Variants in FGFR4 observed in about 807,000 individuals in gnomAD.
FGFR4 encodes hydroxyaryl-protein kinase.
In FGFR4, 63 loss-of-function variants were observed where a neutral mutation model predicts 89.9. That is an observed-to-expected ratio of 0.70 (90% CI 0.57 to 0.86). The LOEUF (loss-of-function observed/expected upper bound fraction) is 0.86, where lower values mean the gene tolerates loss of function less well. Ranked by LOEUF, FGFR4 falls within the 40% of genes least tolerant of loss-of-function variation. FGFR4 has a pLI of 0.00. For missense variants in FGFR4, 928 were observed against 1,106.7 expected, an observed-to-expected ratio of 0.84 and a Z score of 2.29; for synonymous variants, 486 against 479.4, an observed-to-expected ratio of 1.01 and a Z score of -0.18.
chr5:177,095,205 C>A lies in FGFR4; in HGVS notation c.1520-125C>A. The A allele has an allele frequency of 1.3e-6, 1 of 781,820 alleles. No individual in the cohort carries two copies. The highest frequency in any genetic ancestry group is 2.6e-5 in the East Asian group (1 of 37,772). The allele number at this position is 781,820 out of a possible 1,614,324, so 48.4% of individuals were successfully genotyped here. A position where few individuals can be genotyped will look rare whatever the true frequency, so the allele number is the denominator to read the frequency against. ...GGAGACTTTTTCAAGGCCACACAGC[C>A]TAGCAAGGATTCAGCCCTAGACCTA... On this transcript the variant is annotated intron_variant, in intron 11 of 17. Transcript: ENST00000292408. This position sits in a 1 kb window ranked among gnomAD's most constrained non-coding sequence, Gnocchi z 5.7.
At position 177,095,607 on chromosome 5, in the gene FGFR4, G is replaced by GGCCCCGACCTCA. The variant is rs1784524719; in HGVS notation, c.1714_1725dup (p.Leu572_Asp575dup). 1 of 1,605,774 alleles carries GGCCCCGACCTCA rather than the reference G, an allele frequency of 6.2e-7. No homozygotes were observed. The highest frequency in any genetic ancestry group is 8.5e-7 in the Non-Finnish European group (1 of 1,177,272). ...GTTCCTGCGGGCCCGGCGCCCCCCA[G>GGCCCCGACCTCA]GCCCCGACCTCAGCCCCGACGGTCC... On this transcript the variant is annotated inframe_insertion, in exon 13 of 18. Coordinates refer to ENST00000292408, the MANE Select transcript of FGFR4 (RefSeq NM_213647.3). This position sits in a 1 kb window ranked among gnomAD's most constrained non-coding sequence, Gnocchi z 5.7.
In FGFR4 at chr5:177,097,760, T is replaced by C; in HGVS notation, c.*84T>C. ...CACAGCCTGACACAGTGCTCGACCT[T>C]GATAGCATGGGGCCCCTGGCCCAGA... On this transcript the variant is annotated 3_prime_UTR_variant, in exon 18 of 18. Coordinates refer to ENST00000292408, the MANE Select transcript of FGFR4 (RefSeq NM_213647.3). 1 of 1,516,954 alleles carries C rather than the reference T, an allele frequency of 6.6e-7. No homozygotes were observed. Among genetic ancestry groups the C allele is most frequent in the Non-Finnish European group, 8.8e-7 (1 of 1,131,842 alleles). 94.0% of individuals were successfully genotyped at this position (1,516,954 alleles called of 1,614,324 possible).
rs1186109355 is a variant in FGFR4 at position 177,087,844 on chromosome 5, C to T, written c.-54+767C>T. 1.3e-5 allele frequency among the ~76,000 whole-genome samples: 2 copies of T among 152,080 alleles called. No individual in the cohort carries two copies. The highest frequency in any genetic ancestry group is 2.9e-5 in the Non-Finnish European group (2 of 68,002). On this transcript the variant is annotated intron_variant, in intron 1 of 17. Coordinates refer to ENST00000292408, the MANE Select transcript of FGFR4 (RefSeq NM_213647.3). The surrounding 1 kb of genome is among the most constrained non-coding windows in gnomAD (Gnocchi z 6.1). ...GCACAGAGGGATGGGCAAGAGAGCA[C>T]ATGTGCCCAGTTTTGAAAGCCAATG... is the stretch of plus-strand genomic sequence containing the variant.
At chr5:177,090,045 G>T in intron 2 of FGFR4, 2 of 663,856 alleles carry the variant, frequency 3.0e-6, no homozygotes, top group Non-Finnish European at 5.5e-6. Context: ...CATTATGAGG[G>T]TGATATGCCC....
Position 177,095,540 on chromosome 5 carries a change from G to A in FGFR4, c.1638G>A (p.Leu546=), listed in dbSNP as rs1360667560. 1 of 1,611,192 alleles carries A rather than the reference G, an allele frequency of 6.2e-7. No homozygotes were observed. Among genetic ancestry groups the A allele is most frequent in the Non-Finnish European group, 8.5e-7 (1 of 1,178,668 alleles). ...LLGVCTQEGP[L]YVIVECAAKG... ...CCTCCACTCCCTCTGCAGGGCCCCT[G>A]TACGTGATCGTGGAGTGCGCCGCCA... is the stretch of plus-strand genomic sequence containing the variant. Residue 546 remains leucine, a synonymous_variant, in exon 13 of 18, where the codon CTG becomes CTA. Transcript: ENST00000292408. The surrounding 1 kb of genome is among the most constrained non-coding windows in gnomAD (Gnocchi z 5.7).
chr5:177,087,526 ACTGT>A lies in FGFR4; in HGVS notation c.-54+453_-54+456del. 1 of 960,648 alleles carries A rather than the reference ACTGT, an allele frequency of 1.0e-6. No homozygotes were observed. The highest frequency in any genetic ancestry group is 1.2e-6 in the Non-Finnish European group (1 of 807,456). 59.5% of individuals were successfully genotyped at this position (960,648 alleles called of 1,614,324 possible). Reference sequence around the variant, plus strand: ...GCGGGAGGCTGAAGGAGAACCCAGGACTGTCTGATGCCTAAGGCAGGCCCTCCAT... The same window carrying A: ...GCGGGAGGCTGAAGGAGAACCCAGGACTGATGCCTAAGGCAGGCCCTCCAT... On this transcript the variant is annotated intron_variant, in intron 1 of 17. Transcript: ENST00000292408. The surrounding 1 kb of genome is among the most constrained non-coding windows in gnomAD (Gnocchi z 6.1).
At chr5:177,091,212 G>A (rs1784357343) in intron 5 of FGFR4, 108 bp downstream of exon 5, 7 of 1,396,772 alleles carry the variant, frequency 5.0e-6, no homozygotes, top group Non-Finnish European at 6.7e-6. Flanking sequence ...TGAAGCGATT[G>A]CGGGGCCCCG....
Position 177,093,112 on chromosome 5 carries a change from C to CTG in FGFR4, c.1058-18_1058-17dup, listed in dbSNP as rs1784424679. The CTG allele has an allele frequency of 2.5e-6, 4 of 1,613,908 alleles. No individual in the cohort carries two copies. The highest frequency in any genetic ancestry group is 3.4e-6 in the Non-Finnish European group (4 of 1,179,956). On this transcript the variant is annotated intron_variant, in intron 8 of 17. Coordinates refer to ENST00000292408, the MANE Select transcript of FGFR4 (RefSeq NM_213647.3). The surrounding 1 kb of genome is among the most constrained non-coding windows in gnomAD (Gnocchi z 5.8). ...TCTCACCACTGACCAGTTTGTCTGT[C>CTG]TGTGTGTGTCCATGTGCGAGGGCAG...
chr5:177,087,579 A>G lies in FGFR4; in HGVS notation c.-54+502A>G, dbSNP rs1029901266. On this transcript the variant is annotated intron_variant, in intron 1 of 17. Transcript: ENST00000292408. The surrounding 1 kb of genome is among the most constrained non-coding windows in gnomAD (Gnocchi z 6.1). ...ATTCCCACGTGGGGGGTGGTCGGTC[A>G]GCGGTCAGCAGCCATGGGTGACTCG... 3.0e-6 allele frequency: 3 copies of G among 985,498 alleles called. No individual in the cohort carries two copies. The highest frequency in any genetic ancestry group is 1.1e-4 in the East Asian group (1 of 8,806). 61.0% of individuals were successfully genotyped at this position (985,498 alleles called of 1,614,324 possible). A position where few individuals can be genotyped will look rare whatever the true frequency, so the allele number is the denominator to read the frequency against.
At chr5:177,088,593 G>A (rs921131553) in intron 1 of FGFR4, 11 of 162,556 alleles carry the variant, frequency 6.8e-5, no homozygotes, top group Admixed American at 2.7e-4. Flanking sequence ...AGTGGTCACC[G>A]ATTCCTTTGT....
In FGFR4 at chr5:177,097,540, G is replaced by A. The variant is rs759861753; in HGVS notation, c.2273G>A (p.Arg758His). Reference sequence around the variant, plus strand: ...CGTTCCCCACAGTACCTCGACCTCCGCCTGACCTTCGGACCCTATTCCCCC... The same window carrying A: ...CGTTCCCCACAGTACCTCGACCTCCACCTGACCTTCGGACCCTATTCCCCC... The part of the protein sequence containing the change: ...LAVSEEYLDL[R>H]LTFGPYSPSG... Residue 758 changes from arginine to histidine, a missense_variant, in exon 18 of 18, where the codon CGC (arginine) becomes CAC (histidine). By Grantham distance (29) the Arg-to-His change is conservative. Coordinates refer to ENST00000292408, the MANE Select transcript of FGFR4 (RefSeq NM_213647.3). 21 of 1,613,342 alleles carry A rather than the reference G, an allele frequency of 1.3e-5. No homozygotes were observed. Among genetic ancestry groups the A allele is most frequent in the East Asian group, 2.2e-5 (1 of 44,846 alleles).
At position 177,096,191 on chromosome 5, in the gene FGFR4, G is replaced by A. The variant is rs1784555409; in HGVS notation, c.1944+12G>A. ...AGAAAACCAGCAACGTGAGGGAGAT[G>A]GGGCAGAACTGGATGGGGGTGGAGG... On this transcript the variant is annotated intron_variant, in intron 14 of 17. Transcript: ENST00000292408. 3.7e-6 allele frequency: 6 copies of A among 1,613,696 alleles called. No individual in the cohort carries two copies. Among genetic ancestry groups the A allele is most frequent in the Non-Finnish European group, 5.1e-6 (6 of 1,179,794 alleles).
intron 17 of FGFR4, 54 bp from the exon 18 acceptor site, chr5:177,097,473 G>A (rs1211586672): frequency 3.8e-6 from 6 of 1,598,238 alleles, no homozygotes; most frequent in Non-Finnish European, 5.1e-6. Flanking sequence ...GCGTGGACAT[G>A]CGCCCCGTCC....
chr5:177,095,327 C>T lies in FGFR4; in HGVS notation c.1520-3C>T. 7.4e-6 allele frequency: 12 copies of T among 1,613,686 alleles called. No homozygotes were observed. The highest frequency in any genetic ancestry group is 1.0e-5 in the Non-Finnish European group (12 of 1,179,590). On this transcript the variant is annotated splice_region_variant and splice_polypyrimidine_tract_variant and intron_variant, in intron 11 of 17. Coordinates refer to ENST00000292408, the MANE Select transcript of FGFR4 (RefSeq NM_213647.3). The surrounding 1 kb of genome is among the most constrained non-coding windows in gnomAD (Gnocchi z 5.7). ...CTCTTCACCCCGTCTGCTGCCCTTA[C>T]AGACAACGCCTCTGACAAGGACCTG...
chr5:177,096,917 T>C (rs4999890), intron 16 of FGFR4, among the ~76,000 whole-genome samples, 176 bp downstream of exon 16: 4,519 of 16,766 alleles, frequency 0.27, 138 homozygotes, highest in East Asian at 0.42. Flanking sequence ...CCTCCTCCTC[T>C]TCCTCCTCCT....
At chr5:177,090,336 A>G in intron 2 of FGFR4, 54 bp from the exon 3 acceptor site, 1 of 1,598,738 alleles carries the variant, frequency 6.3e-7, no homozygotes, top group East Asian at 2.2e-5. Context: ...TGTACACAGG[A>G]GGCTGCCTCA....
rs1408015706 is a variant in FGFR4 at position 177,095,518 on chromosome 5, C to T, written c.1631-15C>T. Reference sequence around the variant, plus strand: ...CTTTGGCAGCCTCTCCACGCTCCCTCCACTCCCTCTGCAGGGCCCCTGTAC... The same window carrying T: ...CTTTGGCAGCCTCTCCACGCTCCCTTCACTCCCTCTGCAGGGCCCCTGTAC... On this transcript the variant is annotated splice_polypyrimidine_tract_variant and intron_variant, in intron 12 of 17. Transcript: ENST00000292408. The surrounding 1 kb of genome is among the most constrained non-coding windows in gnomAD (Gnocchi z 5.7). 6.2e-7 allele frequency: 1 copy of T among 1,612,046 alleles called. No homozygotes were observed.
rs116996908 is a variant in FGFR4 at position 177,094,641 on chromosome 5, G to A, written c.1520-689G>A. Among the ~76,000 whole-genome samples the A allele has an allele frequency of 2.2e-4, 34 of 151,860 alleles. No homozygotes were observed. The East Asian group carries it at 5.8e-3, about 26-fold the overall frequency. On this transcript the variant is annotated intron_variant, in intron 11 of 17. Coordinates refer to ENST00000292408, the MANE Select transcript of FGFR4 (RefSeq NM_213647.3). ...GGCACTCCTGCACCCCACCCATCAG[G>A]GCCTCTCCTTGCAGTTCCCCAGCCC...
In FGFR4 at chr5:177,093,868, G is replaced by A. The variant is rs529602231; in HGVS notation, c.1519+93G>A. ...GATCGCTTGAATCCAGGAATTCGAG[G>A]CCAGCCTGGGCAACATGGCAAGACT... is the stretch of plus-strand genomic sequence containing the variant. On this transcript the variant is annotated intron_variant, in intron 11 of 17. Transcript: ENST00000292408. The surrounding 1 kb of genome is among the most constrained non-coding windows in gnomAD (Gnocchi z 5.8). The A allele has an allele frequency of 9.4e-4, 1,318 of 1,404,978 alleles. No homozygotes were observed. Among genetic ancestry groups the A allele is most frequent in the Non-Finnish European group, 1.2e-3 (1,261 of 1,040,076 alleles). 87.0% of individuals were successfully genotyped at this position (1,404,978 alleles called of 1,614,324 possible). A position where few individuals can be genotyped will look rare whatever the true frequency, so the allele number is the denominator to read the frequency against.
Sources: allele counts gnomAD v4.1 joint callset (sites outside exome capture counted in the v4.1 genomes callset), GRCh38; gene constraint gnomAD v4.1.1; non-coding constraint Gnocchi (gnomAD v3.1); transcripts MANE v1.5; gene names NCBI Gene and HGNC (gene_info 2026-07-23, HGNC 2026-07-21).